Variants in QTMAN observed in about 807,000 individuals in gnomAD.
QTMAN encodes the protein queuosine-tRNA mannosyltransferase.
the QTMAN span, chr2:144,007,032 T>C: frequency 1.9e-6 from 1 of 539,574 alleles, no homozygotes; most frequent in South Asian, 3.1e-5. Context: ...TATTTAGTAG[T>C]ACCACCTTGG....
the QTMAN span, among the ~76,000 whole-genome samples, chr2:144,179,897 A>G: frequency 6.6e-6 from 1 of 152,308 alleles, no homozygotes; most frequent in East Asian, 1.9e-4. Flanking sequence ...AGTTCTTAAG[A>G]ATAATTTTAA....
chr2:144,043,955 C>G, the QTMAN span, among the ~76,000 whole-genome samples: 1 of 152,212 alleles, frequency 6.6e-6, no homozygotes, highest in East Asian at 1.9e-4. Flanking sequence ...TTTGTTAGAG[C>G]AGTGGTATTT....
At chr2:144,251,170 A>G in the QTMAN span, among the ~76,000 whole-genome samples, 1 of 152,150 alleles carries the variant, frequency 6.6e-6, no homozygotes. Context: ...TAAAATAATT[A>G]CAAATAATGT....
At chr2:144,304,512 A>C in the QTMAN span, among the ~76,000 whole-genome samples, 3 of 152,248 alleles carry the variant, frequency 2.0e-5, no homozygotes, top group Admixed American at 2.0e-4. Flanking sequence ...TCAGTCAATA[A>C]AAAATAGATC....
chr2:143,951,254 G>C, the QTMAN span, among the ~76,000 whole-genome samples: 3 of 151,516 alleles, frequency 2.0e-5, no homozygotes, highest in Admixed American at 6.6e-5. Context: ...ATGGCCTAGA[G>C]CCACCTTCAA....
the QTMAN span, among the ~76,000 whole-genome samples, chr2:144,105,795 A>G: frequency 2.6e-5 from 4 of 152,186 alleles, no homozygotes; most frequent in Admixed American, 2.6e-4. Flanking sequence ...TCCAAGACAC[A>G]TAATTGTCAG....
At chr2:144,120,041 G>A in the QTMAN span, among the ~76,000 whole-genome samples, 1 of 152,072 alleles carries the variant, frequency 6.6e-6, no homozygotes, top group Non-Finnish European at 1.5e-5. Flanking sequence ...GTGAAGGGTT[G>A]GAAAGAAGTC....
chr2:143,972,761 T>A, the QTMAN span, among the ~76,000 whole-genome samples: 6 of 152,306 alleles, frequency 3.9e-5, no homozygotes, highest in Admixed American at 3.9e-4. Flanking sequence ...AAATGTAAGG[T>A]GAGATTTTTT....
chr2:144,213,123 T>C, the QTMAN span, among the ~76,000 whole-genome samples: 1 of 152,180 alleles, frequency 6.6e-6, no homozygotes, highest in Non-Finnish European at 1.5e-5. Context: ...AAACTAATAA[T>C]GCATTGATAA....
chr2:143,956,286 C>T, the QTMAN span, among the ~76,000 whole-genome samples: 1 of 152,096 alleles, frequency 6.6e-6, no homozygotes, highest in East Asian at 1.9e-4. Flanking sequence ...TTAAAGTAAT[C>T]CTTTGTGAAA....
chr2:144,051,786 T>C, the QTMAN span, among the ~76,000 whole-genome samples: 1 of 151,898 alleles, frequency 6.6e-6, no homozygotes, highest in Non-Finnish European at 1.5e-5. Flanking sequence ...TGAACGAAAC[T>C]ACAAGAATGG....
At chr2:144,321,572 A>T in the QTMAN span, among the ~76,000 whole-genome samples, 1 of 152,198 alleles carries the variant, frequency 6.6e-6, no homozygotes. Context: ...AGGACGGATT[A>T]GCGTATGGAC....
the QTMAN span, among the ~76,000 whole-genome samples, chr2:144,008,197 C>T: frequency 6.6e-6 from 1 of 152,022 alleles, no homozygotes; most frequent in Admixed American, 6.6e-5. Flanking sequence ...AATAGAGGGG[C>T]TATCCTCAAG....
chr2:143,965,901 C>T, the QTMAN span, among the ~76,000 whole-genome samples: 4,699 of 152,300 alleles, frequency 0.031, 113 homozygotes, highest in Admixed American at 0.046. Context: ...TTGCTAGATG[C>T]GTCTTCAGAT....
the QTMAN span, among the ~76,000 whole-genome samples, chr2:144,057,656 A>G: frequency 6.6e-6 from 1 of 152,158 alleles, no homozygotes; most frequent in African/African-American, 2.4e-5. Flanking sequence ...TAAAGCTTTA[A>G]TTATTGCAGG....
chr2:144,283,217 G>A, the QTMAN span, among the ~76,000 whole-genome samples: 4 of 152,168 alleles, frequency 2.6e-5, no homozygotes, highest in African/African-American at 9.7e-5. Context: ...CTTGAGATTG[G>A]TGTCTGAAGT....
the QTMAN span, among the ~76,000 whole-genome samples, chr2:144,048,819 T>TACACACACACACACAC: frequency 6.7e-6 from 1 of 148,242 alleles, no homozygotes; most frequent in Non-Finnish European, 1.5e-5. Context: ...CACACATGCA[T>TACACACACACACACAC]ACACACACAC....
At chr2:143,978,549 A>C in the QTMAN span, among the ~76,000 whole-genome samples, 1 of 152,126 alleles carries the variant, frequency 6.6e-6, no homozygotes, top group East Asian at 1.9e-4. Flanking sequence ...TTTCTCTGCA[A>C]CTCTGGCCAG....
chr2:144,180,124 G>A, the QTMAN span, among the ~76,000 whole-genome samples: 3 of 152,138 alleles, frequency 2.0e-5, no homozygotes, highest in African/African-American at 4.8e-5. Flanking sequence ...GAAAAAACAG[G>A]TAATCTTAAG....
Sources: allele counts gnomAD v4.1 joint callset (sites outside exome capture counted in the v4.1 genomes callset), GRCh38; gene constraint gnomAD v4.1.1; transcripts MANE v1.5; gene names NCBI Gene and HGNC (gene_info 2026-07-23, HGNC 2026-07-21).